SLC16A14: variants seen among roughly 807,000 people sequenced by gnomAD.
SLC16A14 encodes the protein solute carrier family 16 member 14, also known as monocarboxylate transporter 14.
A neutral mutation model predicts 35.8 loss-of-function variants in SLC16A14; 14 were observed. The ratio of observed to expected loss-of-function variants is 0.39; its 90% CI spans 0.26 to 0.61. The LOEUF (loss-of-function observed/expected upper bound fraction) is 0.61, where lower values mean the gene tolerates loss of function less well. Ranked by LOEUF, SLC16A14 falls within the 20% of genes least tolerant of loss-of-function variation. The pLI is 0.51. For synonymous variants in SLC16A14, 248 were observed against 258.9 expected (o/e 0.96, Z 0.40); for missense variants, 533 against 655.0 (o/e 0.81, Z 2.03).
chr2:230,050,167 A>G (rs999491006), intron 2 of SLC16A14, among the ~76,000 whole-genome samples: 24 of 152,246 alleles, frequency 1.6e-4, no homozygotes, highest in African/African-American at 5.3e-4. Flanking sequence ...CAAGAAAACC[A>G]GTGGTCTAGG....
chr2:230,067,224 GGAGCT>G, intron 1 of SLC16A14: 5 of 154,322 alleles, frequency 3.2e-5, no homozygotes, highest in Non-Finnish European at 7.2e-5. Flanking sequence ...GCTGGGGAGC[GGAGCT>G]GAGCTGAGCT....
In SLC16A14 at chr2:230,046,533, A is replaced by T. The variant is rs756323869; in HGVS notation, c.593T>A (p.Val198Asp). 12 of 1,614,226 alleles carry T rather than the reference A, an allele frequency of 7.4e-6. No individual in the cohort carries two copies. The highest frequency in any genetic ancestry group is 9.3e-6 in the Non-Finnish European group (11 of 1,180,046). ...CCCACAAACACACAGGTTTAGGGAAACGGCACCTTGGATCAACATGGCATT... is the reference window on the plus strand; with the variant it reads ...CCCACAAACACACAGGTTTAGGGAATCGGCACCTTGGATCAACATGGCATT... ...WRNAMLIQGA[V>D]SLNLCVCGAL... Residue 198 changes from valine to aspartate, a missense_variant, in exon 4 of 5, where the codon GTT becomes GAT. Transcript: ENST00000295190. The surrounding 1 kb of genome is among the most constrained non-coding windows in gnomAD (Gnocchi z 5.0).
Position 230,063,599 on chromosome 2 carries a change from C to A in SLC16A14, c.-14-4233G>T, listed in dbSNP as rs1262033502. Among the ~76,000 whole-genome samples the A allele has an allele frequency of 2.0e-5, 3 of 152,136 alleles. No individual in the cohort carries two copies. In the East Asian group the frequency reaches 5.8e-4, roughly 29 times the overall value. ...TCTCTCATCAATAATAAAGTTCACA[C>A]TTTAGCGTGACCCTGTACATTTTCA... On this transcript the variant is annotated intron_variant, in intron 1 of 4. Transcript: ENST00000295190.
At chr2:230,041,772 T>A (rs35193447) in intron 4 of SLC16A14, among the ~76,000 whole-genome samples, 33,796 of 152,156 alleles carry the variant, frequency 0.22, 4,639 homozygotes, top group East Asian at 0.36. Flanking sequence ...TGTTTTTTTT[T>A]AAAAAGAAGG....
At chr2:230,067,779 C>G (rs1269509922) in intron 1 of SLC16A14, among the ~76,000 whole-genome samples, 1 of 152,246 alleles carries the variant, frequency 6.6e-6, no homozygotes, top group African/African-American at 2.4e-5. Flanking sequence ...GCGTTTAGCC[C>G]CGAAATGGCC....
Position 230,045,895 on chromosome 2 carries a change from T to C in SLC16A14, c.1231A>G (p.Ile411Val), listed in dbSNP as rs2077601509. Reference sequence around the variant, plus strand: ...CTGGAAAACCCTATCAGCGCACAGATGACCGCCAGGCCAGCGTACGTGTGC... The same window carrying C: ...CTGGAAAACCCTATCAGCGCACAGACGACCGCCAGGCCAGCGTACGTGTGC... The part of the protein sequence containing the change: ...LMHTYAGLAV[I>V]CALIGFSSGY... Residue 411 changes from isoleucine to valine, a missense_variant, in exon 4 of 5, where the codon ATC (isoleucine) becomes GTC (valine). Coordinates refer to ENST00000295190, the MANE Select transcript of SLC16A14 (RefSeq NM_152527.5). 6.2e-7 allele frequency: 1 copy of C among 1,612,554 alleles called. No individual in the cohort carries two copies. Among genetic ancestry groups the C allele is most frequent in the Non-Finnish European group, 8.5e-7 (1 of 1,178,796 alleles).
At chr2:230,037,622 GT>G (rs2077528903) in intron 4 of SLC16A14, 91 bp from the exon 5 acceptor site, 2 of 962,528 alleles carry the variant, frequency 2.1e-6, no homozygotes, top group Non-Finnish European at 1.5e-6. Context: ...TGCTGTACAT[GT>G]TTCTACAAGA....
At position 230,046,732 on chromosome 2, in the gene SLC16A14, C is replaced by A. The variant is rs1436337506; in HGVS notation, c.404-10G>T. ...ATCCCGCTGCCCAGGCCTGTACAGG[C>A]CGACGGGGGGAAGAAAAGACACAGT... On this transcript the variant is annotated splice_polypyrimidine_tract_variant and intron_variant, in intron 3 of 4. Coordinates refer to ENST00000295190, the MANE Select transcript of SLC16A14 (RefSeq NM_152527.5). This position sits in a 1 kb window ranked among gnomAD's most constrained non-coding sequence, Gnocchi z 5.0. 9 of 1,579,570 alleles carry A rather than the reference C, an allele frequency of 5.7e-6. No individual in the cohort carries two copies. The highest frequency in any genetic ancestry group is 1.3e-5 in the African/African-American group (1 of 74,342).
chr2:230,051,743 T>A (rs908125140), intron 2 of SLC16A14, among the ~76,000 whole-genome samples: 1 of 152,174 alleles, frequency 6.6e-6, no homozygotes, highest in Non-Finnish European at 1.5e-5. Flanking sequence ...AAAGTTTCCT[T>A]TAAAGTTCTA....
intron 4 of SLC16A14, among the ~76,000 whole-genome samples, chr2:230,039,964 C>A (rs1465849098): frequency 1.3e-5 from 2 of 152,078 alleles, no homozygotes; most frequent in African/African-American, 4.8e-5. Flanking sequence ...TGATGTGGCC[C>A]CTGCCTACAT....
At chr2:230,057,692 T>C (rs1282200769) in intron 2 of SLC16A14, among the ~76,000 whole-genome samples, 1 of 152,146 alleles carries the variant, frequency 6.6e-6, no homozygotes, top group Non-Finnish European at 1.5e-5. Context: ...GTTTAGAAGA[T>C]TTTTCAATAA....
intron 4 of SLC16A14, among the ~76,000 whole-genome samples, chr2:230,040,347 G>A (rs1166541120): frequency 9.2e-5 from 14 of 152,004 alleles, no homozygotes; most frequent in African/African-American, 3.4e-4. Context: ...AGCCTCCCGA[G>A]TAGCTGGGAT....
chr2:230,039,682 A>G (rs540380967), intron 4 of SLC16A14, among the ~76,000 whole-genome samples: 2 of 152,350 alleles, frequency 1.3e-5, no homozygotes, highest in African/African-American at 2.4e-5. Context: ...TAGTCCACTC[A>G]TCTCCATAGG....
intron 2 of SLC16A14, among the ~76,000 whole-genome samples, chr2:230,057,027 C>T (rs4641925): frequency 0.48 from 72,864 of 151,872 alleles, 18,110 homozygotes; most frequent in African/African-American, 0.57. Context: ...TATGCATACT[C>T]GCACAAAACC....
chr2:230,049,362 G>A lies in SLC16A14; in HGVS notation c.403+399C>T, dbSNP rs572532036. Among the ~76,000 whole-genome samples, 3 of 152,036 alleles carry A rather than the reference G, an allele frequency of 2.0e-5. No homozygotes were observed. In the East Asian group the frequency reaches 5.8e-4, roughly 29 times the overall value. On this transcript the variant is annotated intron_variant, in intron 3 of 4. Coordinates refer to ENST00000295190, the MANE Select transcript of SLC16A14 (RefSeq NM_152527.5). ...TCCAAAGTGTTGGGATTACAGGCGT[G>A]AGCTACTGCCCCTGGCCTATTATTT...
chr2:230,064,884 C>T (rs534277703), intron 1 of SLC16A14, among the ~76,000 whole-genome samples: 2 of 152,084 alleles, frequency 1.3e-5, no homozygotes, highest in Non-Finnish European at 2.9e-5. Context: ...GTGGCGCATG[C>T]CTGTAATCCC....
chr2:230,051,102 G>C (rs924633297), intron 2 of SLC16A14, among the ~76,000 whole-genome samples: 2 of 152,184 alleles, frequency 1.3e-5, no homozygotes, highest in African/African-American at 4.8e-5. Flanking sequence ...CAGCAGCACA[G>C]TATTTTATGA....
chr2:230,046,462 C>T lies in SLC16A14; in HGVS notation c.664G>A (p.Gly222Arg). The T allele has an allele frequency of 2.5e-6, 4 of 1,614,216 alleles. No homozygotes were observed. Among genetic ancestry groups the T allele is most frequent in the East Asian group, 2.2e-5 (1 of 44,882 alleles). Residue 222 changes from glycine (G) to arginine (R), a missense_variant, in exon 4 of 5, where the codon GGA (glycine) becomes AGA (arginine). Coordinates refer to ENST00000295190, the MANE Select transcript of SLC16A14 (RefSeq NM_152527.5). The surrounding 1 kb of genome is among the most constrained non-coding windows in gnomAD (Gnocchi z 5.0). ...GGCAGGCCACGCACATCTTTCTCTC[C>T]TGGGTCGTTTGGGTTTTTACCAGGA... is the stretch of plus-strand genomic sequence containing the variant. ...LSPGKNPNDP[G>R]EKDVRGLPAH... is the part of the protein sequence containing the mutation.
rs140272119 is a variant in SLC16A14, at chr2:230,046,328, C to T, written c.798G>A (p.Glu266=). ...TCCTGTGCCCGGCCTGATCGGGGCACTCCTGGGCTTGCAGGTCGCAGAGGG... is the reference window on the plus strand; with the variant it reads ...TCCTGTGCCCGGCCTGATCGGGGCATTCCTGGGCTTGCAGGTCGCAGAGGG... ...EETLCDLQAQ[E]CPDQAGHRKN... Residue 266 remains glutamate, a synonymous_variant, in exon 4 of 5, where the codon GAG becomes GAA. Coordinates refer to ENST00000295190, the MANE Select transcript of SLC16A14 (RefSeq NM_152527.5). The surrounding 1 kb of genome is among the most constrained non-coding windows in gnomAD (Gnocchi z 5.0). The T allele has an allele frequency of 4.1e-3, 6,544 of 1,614,172 alleles. 204 individuals carry two copies. The Admixed American group carries it at 0.068, about 17-fold the overall frequency.
Sources: gnomAD v4.1 joint callset for allele counts (sites outside exome capture counted in the v4.1 genomes callset) on GRCh38, gnomAD v4.1.1 for gene constraint, Gnocchi (gnomAD v3.1) non-coding constraint, MANE v1.5 for transcripts, NCBI Gene and HGNC (gene_info 2026-07-23, HGNC 2026-07-21) for gene names.